LINGO2: variants seen among roughly 807,000 people sequenced by gnomAD.
LINGO2 encodes leucine-rich repeat and immunoglobulin-like domain-containing nogo receptor-interacting protein 2.
LINGO2 carries 14 observed loss-of-function variants against 30.6 expected under a neutral mutation model. That is an observed-to-expected ratio of 0.46 (90% CI 0.30 to 0.72). The LOEUF (loss-of-function observed/expected upper bound fraction) is 0.72. Ranked by LOEUF, LINGO2 falls within the 30% of genes least tolerant of loss-of-function variation. LINGO2 has a pLI of 0.07. For missense variants in LINGO2, 729 were observed against 751.7 expected, an observed-to-expected ratio of 0.97 and a Z score of 0.35; for synonymous variants, 317 against 288.5, an observed-to-expected ratio of 1.10 and a Z score of -1.00.
chr9:28,723,308 A>G, the LINGO2 span, among the ~76,000 whole-genome samples: 3 of 152,056 alleles, frequency 2.0e-5, no homozygotes, highest in African/African-American at 4.8e-5. Flanking sequence ...TGGCACAGCT[A>G]TTTTCAATAT....
the LINGO2 span, among the ~76,000 whole-genome samples, chr9:28,785,952 G>A: frequency 2.0e-5 from 3 of 152,036 alleles, no homozygotes; most frequent in African/African-American, 7.2e-5. Context: ...TCCAAACTAC[G>A]TACGACCTTC....
chr9:29,015,063 G>A, the LINGO2 span, among the ~76,000 whole-genome samples: 2 of 151,978 alleles, frequency 1.3e-5, no homozygotes, highest in African/African-American at 2.4e-5. Context: ...TTCATGAACC[G>A]GCAGAATAAT....
chr9:28,779,272 G>C, the LINGO2 span, among the ~76,000 whole-genome samples: 2 of 152,068 alleles, frequency 1.3e-5, no homozygotes, highest in Non-Finnish European at 2.9e-5. Context: ...TGATTGATAG[G>C]TTAGCACTTT....
intron 2 of LINGO2, among the ~76,000 whole-genome samples, chr9:28,419,364 T>C (rs1823095749): frequency 6.6e-6 from 1 of 152,170 alleles, no homozygotes; most frequent in Non-Finnish European, 1.5e-5. Flanking sequence ...TCACAAACAT[T>C]ATTTCATTTT....
chr9:28,677,949 T>C, the LINGO2 span, among the ~76,000 whole-genome samples: 4 of 151,842 alleles, frequency 2.6e-5, no homozygotes, highest in Non-Finnish European at 4.4e-5. Context: ...TCCATCTACA[T>C]GTTATCATTA....
chr9:28,608,420 C>A (rs1175930502), intron 1 of LINGO2, among the ~76,000 whole-genome samples: 5 of 151,932 alleles, frequency 3.3e-5, no homozygotes, highest in Admixed American at 3.3e-4. Flanking sequence ...CAATTCTTAA[C>A]ACTTCTCTTT....
At chr9:28,840,100 A>T in the LINGO2 span, among the ~76,000 whole-genome samples, 1 of 152,004 alleles carries the variant, frequency 6.6e-6, no homozygotes, top group Non-Finnish European at 1.5e-5. Flanking sequence ...GGGCTAGGCA[A>T]CAGGAGCAGG....
chr9:29,070,497 A>T, the LINGO2 span, among the ~76,000 whole-genome samples: 1 of 152,124 alleles, frequency 6.6e-6, no homozygotes, highest in South Asian at 2.1e-4. Context: ...CCTGAAGTGA[A>T]TCAGTGCAGT....
chr9:28,778,546 C>T, the LINGO2 span, among the ~76,000 whole-genome samples: 1 of 152,100 alleles, frequency 6.6e-6, no homozygotes, highest in African/African-American at 2.4e-5. Context: ...TGATGACATA[C>T]TAGAAGTTCA....
chr9:28,874,128 G>T, the LINGO2 span, among the ~76,000 whole-genome samples: 4 of 151,938 alleles, frequency 2.6e-5, no homozygotes, highest in Admixed American at 2.6e-4. Context: ...TGGATAAAGA[G>T]ATTAAAATAG....
At chr9:28,445,398 G>T (rs189108935) in intron 2 of LINGO2, among the ~76,000 whole-genome samples, 4 of 152,102 alleles carry the variant, frequency 2.6e-5, no homozygotes, top group African/African-American at 7.2e-5. Context: ...CTCATCTTCC[G>T]CAGATCAAGC....
chr9:28,643,715 A>T (rs967811785), intron 1 of LINGO2, among the ~76,000 whole-genome samples: 1 of 152,164 alleles, frequency 6.6e-6, no homozygotes, highest in Admixed American at 6.5e-5. Flanking sequence ...GCTTCTGCAT[A>T]GCAAAAGAAA....
intron 4 of LINGO2, among the ~76,000 whole-genome samples, chr9:28,294,361 T>C (rs947453326): frequency 1.3e-5 from 2 of 152,204 alleles, no homozygotes; most frequent in African/African-American, 4.8e-5. Context: ...AAAGGAATTT[T>C]ACATACTTTT....
At chr9:27,950,969 T>C (rs1819278493) in intron 5 of LINGO2, among the ~76,000 whole-genome samples, 1 of 152,156 alleles carries the variant, frequency 6.6e-6, no homozygotes, top group South Asian at 2.1e-4. Flanking sequence ...GTCATGACAA[T>C]TTCAATGTTT....
chr9:28,242,672 T>G (rs1174606781), intron 4 of LINGO2, among the ~76,000 whole-genome samples: 1 of 151,954 alleles, frequency 6.6e-6, no homozygotes, highest in Non-Finnish European at 1.5e-5. Context: ...CACATAATGA[T>G]CAGATTCTCC....
chr9:28,927,434 C>T, the LINGO2 span, among the ~76,000 whole-genome samples: 1 of 152,090 alleles, frequency 6.6e-6, no homozygotes, highest in South Asian at 2.1e-4. Context: ...CATGTAATAT[C>T]TACTCCTTAG....
the LINGO2 span, among the ~76,000 whole-genome samples, chr9:28,913,473 A>G: frequency 1.3e-5 from 2 of 152,114 alleles, no homozygotes; most frequent in Non-Finnish European, 2.9e-5. Context: ...ATTTTATAAT[A>G]CTTTACGTTA....
chr9:28,094,822 T>C (rs910320259), intron 4 of LINGO2, among the ~76,000 whole-genome samples: 14 of 152,078 alleles, frequency 9.2e-5, no homozygotes, highest in African/African-American at 1.7e-4. Context: ...TCAAAGCTAA[T>C]TGTGAAGTTC....
the LINGO2 span, among the ~76,000 whole-genome samples, chr9:28,848,766 A>G: frequency 4.6e-5 from 7 of 151,790 alleles, no homozygotes; most frequent in African/African-American, 9.7e-5. Flanking sequence ...AAACATTTTT[A>G]TCTCAATATT....
Sources: gnomAD v4.1 joint callset for allele counts (sites outside exome capture counted in the v4.1 genomes callset) on GRCh38, gnomAD v4.1.1 for gene constraint, MANE v1.5 for transcripts, NCBI Gene and HGNC (gene_info 2026-07-23, HGNC 2026-07-21) for gene names.